The following PTPRN2 variants were observed in gnomAD, a reference collection of about 807,000 sequenced individuals.
The protein encoded by PTPRN2 is protein tyrosine phosphatase receptor type N2, also known as receptor-type tyrosine-protein phosphatase N2.
PTPRN2 carries 74 observed loss-of-function variants against 118.8 expected under a neutral mutation model. The observed-to-expected ratio is 0.62, with a 90% CI of 0.52 to 0.76. The LOEUF (loss-of-function observed/expected upper bound fraction) is 0.76, where lower values mean the gene tolerates loss of function less well. PTPRN2 is among the 30% of genes least tolerant of loss of function. The probability of loss-of-function intolerance (pLI) is 0.00; values close to 1 mark genes in which losing one functional copy is unlikely to be tolerated. For missense variants in PTPRN2, 1,481 were observed against 1,394.4 expected (o/e 1.06, Z -0.99); for synonymous variants, 641 against 608.0 (o/e 1.05, Z -0.80).
chr7:157,979,632 G>A (rs1026070025), intron 11 of PTPRN2, among the ~76,000 whole-genome samples: 1 of 152,198 alleles, frequency 6.6e-6, no homozygotes, highest in African/African-American at 2.4e-5. Context: ...CATGCAGCCC[G>A]GCTCCAGAGC....
At chr7:158,171,052 T>C (rs71544550) in intron 5 of PTPRN2, among the ~76,000 whole-genome samples, 79,933 of 113,578 alleles carry the variant, frequency 0.7, 27,357 homozygotes, top group East Asian at 0.82. Context: ...TACATATATA[T>C]ACACATATAT....
intron 3 of PTPRN2, among the ~76,000 whole-genome samples, chr7:158,216,773 A>C (rs1827988531): frequency 6.6e-6 from 1 of 152,182 alleles, no homozygotes; most frequent in Non-Finnish European, 1.5e-5. Flanking sequence ...CATTTATGGA[A>C]CACTGTACCC....
At chr7:157,661,766 G>A (rs1009923719) in intron 13 of PTPRN2, among the ~76,000 whole-genome samples, 1 of 152,172 alleles carries the variant, frequency 6.6e-6, no homozygotes, top group African/African-American at 2.4e-5. Flanking sequence ...TGAGAGACGC[G>A]TCCTACTTCC....
intron 11 of PTPRN2, among the ~76,000 whole-genome samples, chr7:157,991,354 AG>A (rs1009508574): frequency 3.5e-4 from 53 of 152,226 alleles, no homozygotes; most frequent in African/African-American, 1.2e-3. Flanking sequence ...TTTCCTAACC[AG>A]GAACAGATTC....
In PTPRN2 at chr7:158,574,903, GAGAGCC is replaced by G. The variant is rs1460353666; in HGVS notation, c.112+12649_112+12654del. Among the ~76,000 whole-genome samples, 1,530 of 152,280 alleles carry G rather than the reference GAGAGCC, an allele frequency of 0.01. 22 individuals carry two copies. Among genetic ancestry groups the G allele is most frequent in the African/African-American group, 0.035 (1,453 of 41,544 alleles). ...TCCACCTAGTCCCAGCAGCAGAGGT[GAGAGCC>G]ACTGATTTACACGGCAGAACTGGCC... On this transcript the variant is annotated intron_variant, in intron 1 of 22. Coordinates refer to ENST00000389418, the MANE Select transcript of PTPRN2 (RefSeq NM_002847.5). This position sits in a 1 kb window ranked among gnomAD's most constrained non-coding sequence, Gnocchi z 4.6.
intron 2 of PTPRN2, among the ~76,000 whole-genome samples, chr7:158,338,001 TAATTGGTGACACCTGC>T (rs1234017388): frequency 1.9e-5 from 1 of 51,676 alleles, no homozygotes; most frequent in Admixed American, 2.5e-4. Context: ...ACTCTCACCA[TAATTGGTGACACCTGC>T]AGACGTCACT....
At chr7:157,665,235 A>G (rs1340079632) in intron 13 of PTPRN2, among the ~76,000 whole-genome samples, 1 of 152,252 alleles carries the variant, frequency 6.6e-6, no homozygotes, top group Non-Finnish European at 1.5e-5. Context: ...AACAATCACG[A>G]AGATGGCTCT....
rs1221744722 is a variant in PTPRN2 at position 157,998,763 on chromosome 7, A to G, written c.1723+82535T>C. Among the ~76,000 whole-genome samples, 4 of 147,552 alleles carry G rather than the reference A, an allele frequency of 2.7e-5. No homozygotes were observed. In the East Asian group the frequency reaches 8.5e-4, roughly 31 times the overall value. On this transcript the variant is annotated intron_variant, in intron 11 of 22. Coordinates refer to ENST00000389418, the MANE Select transcript of PTPRN2 (RefSeq NM_002847.5). ...CTTGAATCTGGGAGGTGGAGCTTGCAGTGAGCAGAGATTGCACCACTGCAC... is the reference window on the plus strand; with the variant it reads ...CTTGAATCTGGGAGGTGGAGCTTGCGGTGAGCAGAGATTGCACCACTGCAC...
At chr7:158,363,732 C>T (rs1403285595) in intron 2 of PTPRN2, among the ~76,000 whole-genome samples, 2 of 152,234 alleles carry the variant, frequency 1.3e-5, no homozygotes, top group African/African-American at 2.4e-5. Flanking sequence ...CAGGAGAGGT[C>T]GGGAGGGGGC....
intron 3 of PTPRN2, among the ~76,000 whole-genome samples, chr7:158,213,210 G>C (rs1485785461): frequency 3.2e-5 from 1 of 31,710 alleles, no homozygotes; most frequent in Non-Finnish European, 6.5e-5. Flanking sequence ...CTGTGCTTGT[G>C]TGTGTGTGTG....
intron 21 of PTPRN2, among the ~76,000 whole-genome samples, chr7:157,556,795 C>T (rs111066520): frequency 0.043 from 6,255 of 147,010 alleles, 270 homozygotes; most frequent in East Asian, 0.14. Flanking sequence ...CCACAACATG[C>T]ACATCCCACA....
Position 157,583,057 on chromosome 7 carries a change from A to G in PTPRN2, c.2497-4917T>C, listed in dbSNP as rs560697810. 2.0e-5 allele frequency among the ~76,000 whole-genome samples: 3 copies of G among 152,282 alleles called. No individual in the cohort carries two copies. Among genetic ancestry groups the G allele is most frequent in the Admixed American group, 6.5e-5 (1 of 15,310 alleles). On this transcript the variant is annotated intron_variant, in intron 17 of 22. Transcript: ENST00000389418. This position sits in a 1 kb window ranked among gnomAD's most constrained non-coding sequence, Gnocchi z 5.5. Reference sequence around the variant, plus strand: ...ATTGCAGAACTATTCACAATAAACAAGATTTGGAACAACCCACATGTCTGT... The same window carrying G: ...ATTGCAGAACTATTCACAATAAACAGGATTTGGAACAACCCACATGTCTGT...
chr7:158,031,054 C>G (rs1313037832), intron 11 of PTPRN2: 7 of 152,224 alleles, frequency 4.6e-5, no homozygotes, highest in Admixed American at 4.6e-4. Flanking sequence ...GCAGTATCTG[C>G]TGAAGGTCCA....
In PTPRN2 at chr7:158,448,023, G is replaced by T. The variant is rs866241205; in HGVS notation, c.163+41712C>A. Among the ~76,000 whole-genome samples the T allele has an allele frequency of 1.6e-4, 25 of 152,360 alleles. 1 individual carries two copies. The highest frequency in any genetic ancestry group is 6.8e-3 in the Middle Eastern group (2 of 294). ...GCCAGGCCAGGTGCCGACTCAGCAGGGCAGCAAGAGGGCCTCACTGCTGAG... is the reference window on the plus strand; with the variant it reads ...GCCAGGCCAGGTGCCGACTCAGCAGTGCAGCAAGAGGGCCTCACTGCTGAG... On this transcript the variant is annotated intron_variant, in intron 2 of 22. Coordinates refer to ENST00000389418, the MANE Select transcript of PTPRN2 (RefSeq NM_002847.5).
Position 157,794,086 on chromosome 7 carries a change from C to T in PTPRN2, c.1788+104587G>A, listed in dbSNP as rs527617807. On this transcript the variant is annotated intron_variant, in intron 12 of 22. Coordinates refer to ENST00000389418, the MANE Select transcript of PTPRN2 (RefSeq NM_002847.5). This position sits in a 1 kb window ranked among gnomAD's most constrained non-coding sequence, Gnocchi z 5.2. The stretch of plus-strand genomic sequence containing the variant: ...GGGGCCCAGGTGGCCGGGAGGGGGC[C>T]GCCTGTGTCTCGCCCCTCATTCTCT... 7.2e-5 allele frequency among the ~76,000 whole-genome samples: 11 copies of T among 152,270 alleles called. No individual in the cohort carries two copies. The South Asian group carries it at 1.5e-3, about 20-fold the overall frequency.
intron 11 of PTPRN2, among the ~76,000 whole-genome samples, chr7:157,983,345 G>A (rs1480674756): frequency 6.6e-6 from 1 of 150,748 alleles, no homozygotes; most frequent in African/African-American, 2.5e-5. Context: ...TGCAGTGCAG[G>A]GTCCCCCCTA....
intron 12 of PTPRN2, among the ~76,000 whole-genome samples, chr7:157,700,507 C>A (rs924579797): frequency 6.6e-6 from 1 of 152,214 alleles, no homozygotes; most frequent in Non-Finnish European, 1.5e-5. Flanking sequence ...TCCCCACAAT[C>A]AGATCCCATT....
intron 1 of PTPRN2, among the ~76,000 whole-genome samples, chr7:158,516,040 T>C (rs980642853): frequency 5.3e-5 from 8 of 152,182 alleles, no homozygotes; most frequent in Non-Finnish European, 8.8e-5. Flanking sequence ...GACACGCTGG[T>C]GATTGCACCT....
rs957449165 is a variant in PTPRN2, at chr7:157,587,948, C to T, written c.2496+7290G>A. ...CGGTGGCTGTCCCCGTGCCTGGGCT[C>T]CCGCGGTGGCTGTCCCCGTGCCTGG... is the stretch of plus-strand genomic sequence containing the variant. On this transcript the variant is annotated intron_variant, in intron 17 of 22. Coordinates refer to ENST00000389418, the MANE Select transcript of PTPRN2 (RefSeq NM_002847.5). This position sits in a 1 kb window ranked among gnomAD's most constrained non-coding sequence, Gnocchi z 5.3. Among the ~76,000 whole-genome samples, 21 of 151,344 alleles carry T rather than the reference C, an allele frequency of 1.4e-4. No individual in the cohort carries two copies. The highest frequency in any genetic ancestry group is 4.4e-4 in the African/African-American group (18 of 41,172).
Sources: gnomAD v4.1 joint callset for allele counts (sites outside exome capture counted in the v4.1 genomes callset) on GRCh38, gnomAD v4.1.1 for gene constraint, Gnocchi (gnomAD v3.1) non-coding constraint, MANE v1.5 for transcripts, NCBI Gene and HGNC (gene_info 2026-07-23, HGNC 2026-07-21) for gene names.